Variants in NPAS3 observed in about 807,000 individuals in gnomAD.
NPAS3 encodes the protein neuronal PAS domain protein 3, also known as neuronal PAS domain-containing protein 3.
In NPAS3, 14 loss-of-function variants were observed where a neutral mutation model predicts 73.1. The observed-to-expected ratio is 0.19, with a 90% CI of 0.13 to 0.30. The LOEUF is 0.30. Ranked by LOEUF, NPAS3 falls within the 10% of genes least tolerant of loss-of-function variation. NPAS3 has a pLI of 1.00. For synonymous variants in NPAS3, 620 were observed against 541.5 expected, an observed-to-expected ratio of 1.14 and a Z score of -2.01; for missense variants, 1,096 against 1,250.0, an observed-to-expected ratio of 0.88 and a Z score of 1.86.
At chr14:33,338,151 G>A (rs908927567) in intron 3 of NPAS3, among the ~76,000 whole-genome samples, 13 of 152,110 alleles carry the variant, frequency 8.5e-5, no homozygotes, top group Non-Finnish European at 1.8e-4. Context: ...GATAACTTTT[G>A]ATGTAGCTTC....
chr14:33,155,327 A>G (rs904141590), intron 2 of NPAS3, among the ~76,000 whole-genome samples: 1 of 152,068 alleles, frequency 6.6e-6, no homozygotes, highest in Admixed American at 6.6e-5. Context: ...CTCCTTTGTA[A>G]CCATTTCCAT....
In NPAS3 at chr14:32,992,845, G is replaced by T. The variant is rs148057568; in HGVS notation, c.50+53479G>T. Among the ~76,000 whole-genome samples, 802 of 152,150 alleles carry T rather than the reference G, an allele frequency of 5.3e-3. 5 individuals are homozygous for T. Among genetic ancestry groups the T allele is most frequent in the African/African-American group, 0.019 (770 of 41,518 alleles). On this transcript the variant is annotated intron_variant, in intron 1 of 11. Transcript: ENST00000356141. ...AATAGGAAGACCGTGATATGGAGCT[G>T]GTTTGGCAAGGAAAATTATGGTCTC... is the stretch of plus-strand genomic sequence containing the variant.
Position 33,608,355 on chromosome 14 carries a change from G to A in NPAS3, c.558+48145G>A, listed in dbSNP as rs1361007938. The stretch of plus-strand genomic sequence containing the variant: ...GTATTAGGCAATATCTACTTTTAAA[G>A]TATTGAAAAAGTGAGTTAGGATCAC... On this transcript the variant is annotated intron_variant, in intron 5 of 11. Coordinates refer to ENST00000356141, the Ensembl canonical transcript of NPAS3. 3.3e-5 allele frequency: 5 copies of A among 152,266 alleles called. No homozygotes were observed. The East Asian group carries it at 9.7e-4, about 29-fold the overall frequency. 9.4% of individuals were successfully genotyped at this position (152,266 alleles called of 1,614,324 possible).
intron 4 of NPAS3, among the ~76,000 whole-genome samples, chr14:33,414,413 T>C (rs1293547872): frequency 6.6e-6 from 1 of 152,060 alleles, no homozygotes; most frequent in Non-Finnish European, 1.5e-5. Context: ...GAAACATCAA[T>C]TAGCAGGTTT....
chr14:33,600,971 C>T (rs1377510249), intron 5 of NPAS3, among the ~76,000 whole-genome samples: 1 of 152,002 alleles, frequency 6.6e-6, no homozygotes, highest in Non-Finnish European at 1.5e-5. Flanking sequence ...GGTAAGCAGA[C>T]ATTTTTTTTT....
intron 3 of NPAS3, among the ~76,000 whole-genome samples, chr14:33,341,433 A>C (rs963843246): frequency 6.6e-6 from 1 of 152,118 alleles, no homozygotes; most frequent in Non-Finnish European, 1.5e-5. Context: ...TTATGGAAAA[A>C]TTTTATTTTT....
At chr14:33,392,801 T>C (rs927326802) in intron 4 of NPAS3, among the ~76,000 whole-genome samples, 3 of 152,136 alleles carry the variant, frequency 2.0e-5, no homozygotes, top group African/African-American at 7.2e-5. Flanking sequence ...ACAGTATTTT[T>C]CCTTCCTGTC....
rs77205606 is a variant in NPAS3 at position 33,462,202 on chromosome 14, A to G, written c.468+94934A>G. ...TTCCTCGCCTGTTTCCAGCTAGCTT[A>G]TCTGGGCAACATTAGGCAAGTCGAA... On this transcript the variant is annotated intron_variant, in intron 4 of 11. Transcript: ENST00000356141. 1.2e-3 allele frequency among the ~76,000 whole-genome samples: 187 copies of G among 152,298 alleles called. 2 individuals are homozygous for G. In the East Asian group the frequency reaches 0.031, roughly 25 times the overall value.
At chr14:33,379,142 T>C (rs2046430936) in intron 4 of NPAS3, among the ~76,000 whole-genome samples, 1 of 152,150 alleles carries the variant, frequency 6.6e-6, no homozygotes, top group African/African-American at 2.4e-5. Context: ...AATTTTATGT[T>C]TAGACTTGGG....
At chr14:33,655,180 C>T (rs2140247496) in intron 5 of NPAS3, among the ~76,000 whole-genome samples, 1 of 152,294 alleles carries the variant, frequency 6.6e-6, no homozygotes, top group Non-Finnish European at 1.5e-5. Flanking sequence ...GAGGTAATCT[C>T]AAAGCTGAGA....
At chr14:33,563,567 A>G (rs2055773391) in intron 5 of NPAS3, among the ~76,000 whole-genome samples, 1 of 100,336 alleles carries the variant, frequency 1.0e-5, no homozygotes, top group Admixed American at 9.3e-5. Flanking sequence ...GAGAGAGAGG[A>G]GAGATGTATA....
intron 3 of NPAS3, among the ~76,000 whole-genome samples, chr14:33,299,997 T>G (rs2042464278): frequency 6.6e-6 from 1 of 152,190 alleles, no homozygotes; most frequent in Non-Finnish European, 1.5e-5. Flanking sequence ...ACTTTTAAAT[T>G]TGAAGAATGA....
intron 4 of NPAS3, among the ~76,000 whole-genome samples, chr14:33,547,688 A>G (rs2054912511): frequency 6.6e-6 from 1 of 152,188 alleles, no homozygotes; most frequent in African/African-American, 2.4e-5. Context: ...TAAAATAAGA[A>G]CATAGAAGGG....
chr14:32,989,614 C>T (rs1425413328), intron 1 of NPAS3, among the ~76,000 whole-genome samples: 1 of 151,958 alleles, frequency 6.6e-6, no homozygotes, highest in Non-Finnish European at 1.5e-5. Context: ...CACTGCACTC[C>T]AGCCTGGGCG....
intron 2 of NPAS3, among the ~76,000 whole-genome samples, chr14:33,191,027 A>C (rs2046153370): frequency 6.6e-6 from 1 of 152,140 alleles, no homozygotes; most frequent in African/African-American, 2.4e-5. Flanking sequence ...ATTTTGGTGA[A>C]TCTTCTACCT....
intron 4 of NPAS3, among the ~76,000 whole-genome samples, chr14:33,524,727 G>C (rs146966030): frequency 2.6e-5 from 4 of 152,244 alleles, no homozygotes; most frequent in African/African-American, 9.6e-5. Flanking sequence ...GGCAGGGTTG[G>C]TTCCTTCTGA....
intron 5 of NPAS3, among the ~76,000 whole-genome samples, chr14:33,565,375 G>T (rs2055874737): frequency 6.6e-6 from 1 of 152,222 alleles, no homozygotes; most frequent in Non-Finnish European, 1.5e-5. Flanking sequence ...GGGAACCATG[G>T]TGCCAAATGT....
At position 33,069,497 on chromosome 14, in the gene NPAS3, A is replaced by G. The variant is rs536544572; in HGVS notation, c.140+13503A>G. On this transcript the variant is annotated intron_variant, in intron 2 of 11. Coordinates refer to ENST00000356141, the Ensembl canonical transcript of NPAS3. ...TAGGAGAATGTCAGTGTGGTGGGTA[A>G]GTGTGCAGGCTATGATGGAGACGGA... 1.2e-4 allele frequency among the ~76,000 whole-genome samples: 18 copies of G among 152,320 alleles called. No homozygotes were observed. The South Asian group carries it at 3.3e-3, about 28-fold the overall frequency.
chr14:33,804,132 C>T (rs774989017), downstream of NPAS3: 2 of 151,936 alleles, frequency 1.3e-5, no homozygotes, highest in African/African-American at 2.4e-5. Flanking sequence ...TTTTTTCATC[C>T]GCAGGTGCCA....
Sources: gnomAD v4.1 joint callset for allele counts (sites outside exome capture counted in the v4.1 genomes callset) on GRCh38, gnomAD v4.1.1 for gene constraint, MANE v1.5 for transcripts, NCBI Gene and HGNC (gene_info 2026-07-23, HGNC 2026-07-21) for gene names.